Variants in ME3 observed in about 807,000 individuals in gnomAD.
ME3 encodes NADP-dependent malic enzyme, mitochondrial.
Under a neutral mutation model 68.9 loss-of-function variants are expected in ME3, and 48 were observed. The observed-to-expected ratio is 0.70, with a 90% CI of 0.55 to 0.89. The LOEUF (loss-of-function observed/expected upper bound fraction) is 0.89. Among genes scored for constraint, ME3 ranks in the 40% least tolerant of loss-of-function variants. The pLI is 0.00. For synonymous variants in ME3, 320 were observed against 318.8 expected, an observed-to-expected ratio of 1.00 and a Z score of -0.04; for missense variants, 675 against 797.4, an observed-to-expected ratio of 0.85 and a Z score of 1.85.
At chr11:86,549,457 C>A (rs1398848590) in intron 4 of ME3, among the ~76,000 whole-genome samples, 7 of 152,194 alleles carry the variant, frequency 4.6e-5, no homozygotes, top group African/African-American at 1.7e-4. Context: ...CCATGGTATC[C>A]TTTTTGCCTT....
At chr11:86,487,375 A>G in exon 7 of ME3, 3 of 1,614,158 alleles carry the variant, frequency 1.9e-6, no homozygotes, top group Non-Finnish European at 2.5e-6. Context: ...CCAGCAAGTC[A>G]TCGTATGCCT....
At chr11:86,639,939 T>C (rs1944563996) in intron 2 of ME3, among the ~76,000 whole-genome samples, 1 of 152,192 alleles carries the variant, frequency 6.6e-6, no homozygotes, top group Admixed American at 6.5e-5. Flanking sequence ...GCAGAGCTGA[T>C]GGGAATCAAA....
At chr11:86,574,038 T>C (rs1157365022) in intron 2 of ME3, among the ~76,000 whole-genome samples, 1 of 152,204 alleles carries the variant, frequency 6.6e-6, no homozygotes, top group Non-Finnish European at 1.5e-5. Flanking sequence ...TTTGCCAGTA[T>C]TTTATTGAGG....
intron 7 of ME3, among the ~76,000 whole-genome samples, chr11:86,468,230 G>A (rs1011278291): frequency 3.3e-5 from 5 of 152,076 alleles, no homozygotes; most frequent in Admixed American, 6.5e-5. Flanking sequence ...CATGAAACCA[G>A]ACCACTATCC....
chr11:86,591,992 T>G (rs118170077), intron 2 of ME3, among the ~76,000 whole-genome samples: 1 of 152,286 alleles, frequency 6.6e-6, no homozygotes, highest in Non-Finnish European at 1.5e-5. Context: ...TAGTCTGCAG[T>G]GTTTTGTTAT....
rs1240713017 is a variant in ME3, at chr11:86,671,761, C to G, written c.183+1G>C. 1 of 1,603,918 alleles carries G rather than the reference C, an allele frequency of 6.2e-7. No homozygotes were observed. Among genetic ancestry groups the G allele is most frequent in the African/African-American group, 1.4e-5 (1 of 73,660 alleles). On this transcript the variant is annotated splice_donor_variant, in intron 2 of 14. Transcript: ENST00000543262. LOFTEE classifies it high-confidence loss of function. The stretch of plus-strand genomic sequence containing the variant: ...GGCCGTCCTGCCCTCTGGCCCATTA[C>G]CTTGTTGAGATGAGGGTTCCTGGTG...
rs1277112500 is a variant in ME3, at chr11:86,621,371, C to CT, written c.183+50390dup. 5.0e-4 allele frequency among the ~76,000 whole-genome samples: 75 copies of CT among 150,642 alleles called. 3 individuals carry two copies. The highest frequency in any genetic ancestry group is 1.8e-3 in the African/African-American group (74 of 40,056). ...GGTCAGCTACATCATAGTTTTTAAA[C>CT]TTTTTTGCTCCTCAGTCTTGGCTAA... is the stretch of plus-strand genomic sequence containing the variant. On this transcript the variant is annotated intron_variant, in intron 2 of 14. Coordinates refer to ENST00000543262, the Ensembl canonical transcript of ME3.
At chr11:86,487,535 A>C in intron 6 of ME3, 95 bp from the exon 7 acceptor site, 8 of 966,234 alleles carry the variant, frequency 8.3e-6, no homozygotes, top group Non-Finnish European at 1.1e-5. Context: ...AAGAACCAGA[A>C]GGTGGGAGGA....
chr11:86,508,718 A>T, intron 5 of ME3, 74 bp downstream of exon 5: 1 of 1,385,100 alleles, frequency 7.2e-7, no homozygotes, highest in Admixed American at 1.7e-5. Flanking sequence ...CATTTTATAG[A>T]TGGAAATGAC....
At chr11:86,493,122 G>C (rs2138978065) in intron 6 of ME3, among the ~76,000 whole-genome samples, 1 of 152,286 alleles carries the variant, frequency 6.6e-6, no homozygotes, top group South Asian at 2.1e-4. Flanking sequence ...GCTGAATAAT[G>C]ATAATCTTGC....
At chr11:86,657,213 C>A (rs1945951010) in intron 2 of ME3, among the ~76,000 whole-genome samples, 1 of 152,116 alleles carries the variant, frequency 6.6e-6, no homozygotes, top group African/African-American at 2.4e-5. Flanking sequence ...GACTTGGAAC[C>A]AACCCAAATG....
intron 4 of ME3, among the ~76,000 whole-genome samples, chr11:86,547,240 A>AG: frequency 9.6e-6 from 1 of 104,552 alleles, no homozygotes; most frequent in African/African-American, 4.3e-5. Context: ...ACTCCATCTC[A>AG]AAAAAAAAAA....
At chr11:86,622,441 C>T (rs1020355393) in intron 2 of ME3, among the ~76,000 whole-genome samples, 1 of 151,790 alleles carries the variant, frequency 6.6e-6, no homozygotes, top group African/African-American at 2.4e-5. Flanking sequence ...GATGAGAATA[C>T]CTAATAGTGT....
intron 8 of ME3, among the ~76,000 whole-genome samples, chr11:86,459,919 G>A (rs1399635755): frequency 6.6e-6 from 1 of 152,212 alleles, no homozygotes; most frequent in Admixed American, 6.5e-5. Context: ...ATGAGCCAGT[G>A]GGGCTTTCCT....
intron 4 of ME3, among the ~76,000 whole-genome samples, chr11:86,516,371 T>TTG (rs1565886957): frequency 1.4e-4 from 7 of 49,684 alleles, no homozygotes; most frequent in East Asian, 8.4e-4. Context: ...CTCTCTCTCT[T>TTG]TGTGTGTGTG....
chr11:86,448,077 G>T, intron 11 of ME3, 73 bp downstream of exon 11: 1 of 1,068,002 alleles, frequency 9.4e-7, no homozygotes, highest in Non-Finnish European at 1.4e-6. Context: ...CTTCCTAGCT[G>T]AGCCTCTGTC....
At chr11:86,448,391 C>T (rs1949442791) in intron 10 of ME3, 136 bp from the exon 11 acceptor site, 3 of 651,182 alleles carry the variant, frequency 4.6e-6, no homozygotes, top group Non-Finnish European at 8.2e-6. Context: ...TTTTGGGGCC[C>T]ATCTTCTTGA....
At chr11:86,655,046 T>A (rs1318824997) in intron 2 of ME3, among the ~76,000 whole-genome samples, 1 of 152,166 alleles carries the variant, frequency 6.6e-6, no homozygotes, top group East Asian at 1.9e-4. Flanking sequence ...ACAAGGGATG[T>A]GAAAGACCTC....
intron 2 of ME3, among the ~76,000 whole-genome samples, chr11:86,607,300 G>A (rs1961819731): frequency 6.6e-6 from 1 of 152,086 alleles, no homozygotes; most frequent in Admixed American, 6.5e-5. Flanking sequence ...TGGCGGGGCT[G>A]AACTTTAACT....
Sources: gnomAD v4.1 joint callset for allele counts (sites outside exome capture counted in the v4.1 genomes callset) on GRCh38, gnomAD v4.1.1 for gene constraint, MANE v1.5 for transcripts, NCBI Gene and HGNC (gene_info 2026-07-23, HGNC 2026-07-21) for gene names.